GPATCH8: variants seen among roughly 807,000 people sequenced by gnomAD.
GPATCH8 encodes G-patch domain containing 8, also known as G patch domain-containing protein 8.
Under a neutral mutation model 118.3 loss-of-function variants are expected in GPATCH8, and 18 were observed. The ratio of observed to expected loss-of-function variants is 0.15; its 90% CI spans 0.11 to 0.23. The LOEUF (loss-of-function observed/expected upper bound fraction) is 0.23, where lower values mean the gene tolerates loss of function less well. GPATCH8 is among the 10% of genes least tolerant of loss of function. The pLI, the probability that GPATCH8 is intolerant of heterozygous loss-of-function variation, is 1.00. For missense variants in GPATCH8, 1,631 were observed against 1,873.8 expected (o/e 0.87, Z 2.39); for synonymous variants, 659 against 684.7 (o/e 0.96, Z 0.59).
chr17:44,419,860 G>A (rs2049830796), intron 6 of GPATCH8, among the ~76,000 whole-genome samples: 1 of 151,998 alleles, frequency 6.6e-6, no homozygotes, highest in South Asian at 2.1e-4. Context: ...GGGAAGAGAC[G>A]AACTATGAAA....
chr17:44,423,560 A>T (rs2049988125), intron 6 of GPATCH8, among the ~76,000 whole-genome samples: 1 of 152,192 alleles, frequency 6.6e-6, no homozygotes, highest in African/African-American at 2.4e-5. Context: ...TAACAAATAC[A>T]ACTATTGTAC....
chr17:44,488,390 A>G (rs1369388305), intron 1 of GPATCH8, among the ~76,000 whole-genome samples: 1 of 150,684 alleles, frequency 6.6e-6, no homozygotes, highest in Admixed American at 6.6e-5. Flanking sequence ...TTTTTTTGAG[A>G]TGGAGTCTTG....
intron 1 of GPATCH8, among the ~76,000 whole-genome samples, chr17:44,500,657 TTAAAGGCAAAGAAAATAAGTCATCTC>T (rs1969988890): frequency 2.0e-5 from 3 of 152,140 alleles, no homozygotes; most frequent in Non-Finnish European, 4.4e-5. Context: ...TCCTGCTAAA[TTAAAGGCAAAGAAAATAAGTCATCTC>T]GAACTTACCA....
chr17:44,400,130 A>G lies in GPATCH8; in HGVS notation c.1947T>C (p.Gly649=). The change falls in exon 8 of 8, where the codon GGT becomes GGC. Residue 649 remains glycine, a synonymous_variant. Coordinates refer to ENST00000591680, the MANE Select transcript of GPATCH8 (RefSeq NM_001002909.4). ...CSGLNKQEPG[G]SHGSETEDTG... is the part of the protein sequence containing the mutation. ...TGTCTTCTGTCTCAGACCCATGGCT[A>G]CCCCCAGGCTCCTGCTTGTTCAGGC... 6.2e-7 allele frequency: 1 copy of G among 1,613,370 alleles called. No homozygotes were observed. The highest frequency in any genetic ancestry group is 8.5e-7 in the Non-Finnish European group (1 of 1,179,902).
Position 44,398,507 on chromosome 17 carries a change from C to T in GPATCH8, c.3570G>A (p.Gly1190=). ...TTGTTTCCTCTGAAGGGAACTGATG[C>T]CCAAATAGGGCATCACTACTCCCTG... ...GPPGSSDALF[G]HQFPSEETTG... is the part of the protein sequence containing the mutation. Residue 1190 remains glycine (G), a synonymous_variant, in exon 8 of 8, where the codon GGG becomes GGA. Transcript: ENST00000591680. The T allele has an allele frequency of 6.2e-7, 1 of 1,603,376 alleles. No individual in the cohort carries two copies. The highest frequency in any genetic ancestry group is 2.2e-5 in the East Asian group (1 of 44,834).
At chr17:44,411,333 C>A (rs2049423266) in intron 6 of GPATCH8, among the ~76,000 whole-genome samples, 1 of 152,136 alleles carries the variant, frequency 6.6e-6, no homozygotes, top group South Asian at 2.1e-4. Context: ...CATTTCTGCA[C>A]AGTGTTCTCT....
intron 6 of GPATCH8, among the ~76,000 whole-genome samples, chr17:44,411,667 A>C (rs1450160075): frequency 6.6e-6 from 1 of 152,186 alleles, no homozygotes; most frequent in Non-Finnish European, 1.5e-5. Flanking sequence ...TTAGGGTCTA[A>C]AGATTATCCA....
At chr17:44,428,770 C>T (rs1205001505) in intron 5 of GPATCH8, among the ~76,000 whole-genome samples, 1 of 151,868 alleles carries the variant, frequency 6.6e-6, no homozygotes, top group South Asian at 2.1e-4. Flanking sequence ...TGCCACCGCA[C>T]TTCTAGGTGA....
chr17:44,478,703 C>T, intron 1 of GPATCH8, among the ~76,000 whole-genome samples: 1 of 152,064 alleles, frequency 6.6e-6, no homozygotes, highest in Non-Finnish European at 1.5e-5. Context: ...AAACCCTCAT[C>T]CTAACAATAA....
intron 3 of GPATCH8, among the ~76,000 whole-genome samples, chr17:44,453,295 T>C (rs1448826406): frequency 6.6e-6 from 1 of 152,156 alleles, no homozygotes; most frequent in African/African-American, 2.4e-5. Flanking sequence ...GATTCTATAG[T>C]TTACTGGTTG....
chr17:44,441,581 G>A (rs2050690553), intron 3 of GPATCH8, among the ~76,000 whole-genome samples: 1 of 151,310 alleles, frequency 6.6e-6, no homozygotes. Flanking sequence ...AAAATTAGCT[G>A]GGCGTGGTGG....
intron 3 of GPATCH8, among the ~76,000 whole-genome samples, chr17:44,457,160 G>C (rs2051367538): frequency 6.6e-6 from 1 of 152,070 alleles, no homozygotes; most frequent in Non-Finnish European, 1.5e-5. Flanking sequence ...ACTGCAACTG[G>C]CCCAAATTTT....
chr17:44,401,413 C>T lies in GPATCH8; in HGVS notation c.664G>A (p.Ala222Thr). ...TCTTCTCCACCTTCTTCATCTACAGCCACTGTGGTTGGTTTGAACATGGGA... is the reference window on the plus strand; with the variant it reads ...TCTTCTCCACCTTCTTCATCTACAGTCACTGTGGTTGGTTTGAACATGGGA... The part of the protein sequence containing the change: ...SGPMFKPTTV[A>T]VDEEGGEDDK... Residue 222 changes from alanine to threonine, a missense_variant, in exon 8 of 8, where the codon GCT (alanine) becomes ACT (threonine). Ala to Thr is a moderately conservative substitution (Grantham distance 58, BLOSUM62 0). Around this residue, in one of 8 missense-constraint regions of GPATCH8, gnomAD observed 405 missense variants for 462.7 expected, o/e 0.88. Transcript: ENST00000591680. 1 of 1,613,314 alleles carries T rather than the reference C, an allele frequency of 6.2e-7. No homozygotes were observed. The highest frequency in any genetic ancestry group is 2.2e-5 in the East Asian group (1 of 44,884).
Position 44,399,833 on chromosome 17 carries a change from C to G in GPATCH8, c.2244G>C (p.Arg748=), listed in dbSNP as rs750013557. Residue 748 remains arginine (R), a synonymous_variant, in exon 8 of 8, where the codon CGG becomes CGC. Transcript: ENST00000591680. The stretch of plus-strand genomic sequence containing the variant: ...TCCGCTGGGAGTCATCTTGAGCTCT[C>G]CGCCTTCTTCTTGGTGGTGCGGGAC... The part of the protein sequence containing the change: ...SGSPAPPRRR[R]RAQDDSQRRS... 6.2e-7 allele frequency: 1 copy of G among 1,613,790 alleles called. No individual in the cohort carries two copies. Among genetic ancestry groups the G allele is most frequent in the Non-Finnish European group, 8.5e-7 (1 of 1,179,908 alleles).
intron 3 of GPATCH8, among the ~76,000 whole-genome samples, chr17:44,439,816 T>A (rs2050629447): frequency 6.7e-6 from 1 of 149,934 alleles, no homozygotes; most frequent in African/African-American, 2.5e-5. Context: ...GGAGTTTCGC[T>A]CTTGTTGCCC....
In GPATCH8 at chr17:44,395,296, G is replaced by A. The variant is rs1191143701; in HGVS notation, c.*2272C>T. On this transcript the variant is annotated 3_prime_UTR_variant, in exon 8 of 8. Coordinates refer to ENST00000591680, the MANE Select transcript of GPATCH8 (RefSeq NM_001002909.4). ...CTCTGCTAAGTTTCCACAAATCATT[G>A]GTTTATTAGAAAGTTCCTTTCCCTC... 10 of 381,252 alleles carry A rather than the reference G, an allele frequency of 2.6e-5. No homozygotes were observed. Among genetic ancestry groups the A allele is most frequent in the South Asian group, 1.8e-4 (9 of 49,848 alleles). 23.6% of individuals were successfully genotyped at this position (381,252 alleles called of 1,614,324 possible).
At chr17:44,419,659 A>AT (rs112751479) in intron 6 of GPATCH8, among the ~76,000 whole-genome samples, 1,800 of 147,276 alleles carry the variant, frequency 0.012, 29 homozygotes, top group African/African-American at 0.038. Context: ...CATCAGGGTA[A>AT]TTTTTTTTTT....
chr17:44,484,609 T>C (rs1177671925), intron 1 of GPATCH8, among the ~76,000 whole-genome samples: 1 of 152,176 alleles, frequency 6.6e-6, no homozygotes, highest in African/African-American at 2.4e-5. Flanking sequence ...CCATACTATA[T>C]TCAGATTATC....
intron 5 of GPATCH8, among the ~76,000 whole-genome samples, chr17:44,426,878 TCTCA>T (rs2050110098): frequency 6.6e-6 from 1 of 150,714 alleles, no homozygotes; most frequent in Non-Finnish European, 1.5e-5. Flanking sequence ...TCTCTCTCTC[TCTCA>T]CACTCTCTCT....
Sources: allele counts gnomAD v4.1 joint callset (sites outside exome capture counted in the v4.1 genomes callset), GRCh38; gene constraint gnomAD v4.1.1; regional missense constraint gnomAD v4.1.1; transcripts MANE v1.5; gene names NCBI Gene and HGNC (gene_info 2026-07-23, HGNC 2026-07-21).